The following LAMA2 variants were observed in gnomAD, a reference collection of about 807,000 sequenced individuals.
LAMA2 encodes laminin subunit alpha 2.
A neutral mutation model predicts 364.8 loss-of-function variants in LAMA2; 269 were observed. That is an observed-to-expected ratio of 0.74 (90% CI 0.67 to 0.82). The LOEUF (loss-of-function observed/expected upper bound fraction) is 0.82. Ranked by LOEUF, LAMA2 falls within the 40% of genes least tolerant of loss-of-function variation. LAMA2 has a pLI of 0.00. For synonymous variants in LAMA2, 1,379 were observed against 1,370.6 expected (o/e 1.01, Z -0.14); for missense variants, 3,807 against 3,873.2 (o/e 0.98, Z 0.45).
At chr6:129,129,083 T>G (rs1057259353) in intron 4 of LAMA2, among the ~76,000 whole-genome samples, 1 of 152,216 alleles carries the variant, frequency 6.6e-6, no homozygotes, top group Non-Finnish European at 1.5e-5. Context: ...TGTCCGTATC[T>G]TCCTCAATTT....
intron 30 of LAMA2, among the ~76,000 whole-genome samples, chr6:129,345,764 A>G (rs373253372): frequency 6.6e-6 from 1 of 152,164 alleles, no homozygotes; most frequent in African/African-American, 2.4e-5. Flanking sequence ...TAGAAAAAAA[A>G]TTTTAGCCAA....
intron 16 of LAMA2, among the ~76,000 whole-genome samples, chr6:129,268,939 A>G (rs2114350956): frequency 6.6e-6 from 1 of 152,218 alleles, no homozygotes; most frequent in South Asian, 2.1e-4. Context: ...CACAAAGAGG[A>G]GAATATTTGA....
chr6:129,282,455 T>A (rs1788786436), intron 18 of LAMA2, among the ~76,000 whole-genome samples: 1 of 152,100 alleles, frequency 6.6e-6, no homozygotes, highest in South Asian at 2.1e-4. Context: ...CATTTCAAGT[T>A]GTTTTCTTCT....
At chr6:128,981,155 A>G (rs576966148) in intron 1 of LAMA2, among the ~76,000 whole-genome samples, 4 of 152,198 alleles carry the variant, frequency 2.6e-5, no homozygotes, top group African/African-American at 9.6e-5. Context: ...TTCGGTCCCT[A>G]CATACTTCCT....
In LAMA2 at chr6:129,171,538, C is replaced by T. The variant is rs1408282575; in HGVS notation, c.1306+5863C>T. On this transcript the variant is annotated intron_variant, in intron 9 of 64. Coordinates refer to ENST00000421865, the MANE Select transcript of LAMA2 (RefSeq NM_000426.4). ...TCCGGCTTGTAGAGTTTCTGCCGAG[C>T]GATCTGCTGTTAGTCTGATGGGCTT... Among the ~76,000 whole-genome samples, 11 of 152,216 alleles carry T rather than the reference C, an allele frequency of 7.2e-5. No homozygotes were observed. The East Asian group carries it at 9.6e-4, about 13-fold the overall frequency.
At chr6:129,342,024 A>G (rs1189021736) in intron 29 of LAMA2, among the ~76,000 whole-genome samples, 1 of 152,262 alleles carries the variant, frequency 6.6e-6, no homozygotes, top group African/African-American at 2.4e-5. Flanking sequence ...TAAATTTTAG[A>G]GACTCGAAGT....
chr6:128,921,697 GTT>G (rs547882651), intron 1 of LAMA2, among the ~76,000 whole-genome samples: 19 of 118,042 alleles, frequency 1.6e-4, no homozygotes, highest in African/African-American at 6.0e-4. Context: ...ATGAATGTCT[GTT>G]TTTTTTTTTT....
At chr6:129,105,342 G>T (rs896502595) in intron 4 of LAMA2, among the ~76,000 whole-genome samples, 6 of 152,274 alleles carry the variant, frequency 3.9e-5, no homozygotes, top group Admixed American at 3.9e-4. Context: ...TAGCCCAGAT[G>T]CTATTGAGAA....
chr6:129,112,734 A>G (rs766341904), intron 4 of LAMA2, among the ~76,000 whole-genome samples: 48 of 151,242 alleles, frequency 3.2e-4, no homozygotes, highest in Non-Finnish European at 5.6e-4. Context: ...GAGAGAGAGA[A>G]AAAAAAAACT....
intron 1 of LAMA2, among the ~76,000 whole-genome samples, chr6:128,965,942 T>C (rs1307243796): frequency 9.3e-5 from 14 of 151,164 alleles, no homozygotes; most frequent in Admixed American, 9.2e-4. Context: ...TGTTGAAATA[T>C]AGCTTGCTCT....
At chr6:129,378,964 C>T (rs1778526091) in intron 34 of LAMA2, among the ~76,000 whole-genome samples, 1 of 152,070 alleles carries the variant, frequency 6.6e-6, no homozygotes, top group Admixed American at 6.6e-5. Context: ...CCTAAGTGCC[C>T]ATCAATAATA....
chr6:129,390,919 AG>A (rs1779281851), intron 35 of LAMA2, among the ~76,000 whole-genome samples: 1 of 152,164 alleles, frequency 6.6e-6, no homozygotes, highest in Non-Finnish European at 1.5e-5. Context: ...ATTGCTGGAA[AG>A]TGTCCTTGAA....
chr6:129,138,732 G>A (rs1340010960), intron 4 of LAMA2, among the ~76,000 whole-genome samples: 1 of 152,040 alleles, frequency 6.6e-6, no homozygotes, highest in Non-Finnish European at 1.5e-5. Context: ...TTATTTTTCA[G>A]TAATTATGCT....
At chr6:129,255,533 G>A (rs577520151) in intron 14 of LAMA2, among the ~76,000 whole-genome samples, 1 of 149,830 alleles carries the variant, frequency 6.7e-6, no homozygotes, top group South Asian at 2.1e-4. Flanking sequence ...TTTCTGTTAA[G>A]CCATTGAGAT....
chr6:129,362,461 C>A (rs1430160004), intron 32 of LAMA2, among the ~76,000 whole-genome samples: 2 of 152,162 alleles, frequency 1.3e-5, no homozygotes, highest in Non-Finnish European at 2.9e-5. Context: ...CCTCCCTGAT[C>A]TTCTCACTAT....
In LAMA2 at chr6:129,281,779, A is replaced by G. The variant is rs138167177; in HGVS notation, c.2537+1632A>G. Among the ~76,000 whole-genome samples, 314 of 152,324 alleles carry G rather than the reference A, an allele frequency of 2.1e-3. 1 individual carries two copies. The highest frequency in any genetic ancestry group is 3.5e-3 in the Non-Finnish European group (235 of 68,014). On this transcript the variant is annotated intron_variant, in intron 18 of 64. Transcript: ENST00000421865. The stretch of plus-strand genomic sequence containing the variant: ...GATGGCAACATGCATATGCAGTGTA[A>G]TGAATGGCATATTTTATCTCCAGCT...
chr6:129,117,962 G>A (rs1308780339), intron 4 of LAMA2, among the ~76,000 whole-genome samples: 1 of 152,088 alleles, frequency 6.6e-6, no homozygotes, highest in Non-Finnish European at 1.5e-5. Context: ...ATAATCATGT[G>A]GATACTACAG....
chr6:129,220,410 A>G (rs1324517453), intron 12 of LAMA2, among the ~76,000 whole-genome samples: 3 of 152,324 alleles, frequency 2.0e-5, no homozygotes, highest in Non-Finnish European at 4.4e-5. Flanking sequence ...TTGGTCAACA[A>G]GTGAGGAATT....
intron 51 of LAMA2, among the ~76,000 whole-genome samples, chr6:129,471,371 T>C (rs558099840): frequency 6.6e-6 from 1 of 151,932 alleles, no homozygotes; most frequent in Non-Finnish European, 1.5e-5. Flanking sequence ...CCAGTGAATT[T>C]CAATTCAATT....
Sources: allele counts gnomAD v4.1 joint callset (sites outside exome capture counted in the v4.1 genomes callset), GRCh38; gene constraint gnomAD v4.1.1; transcripts MANE v1.5; gene names NCBI Gene and HGNC (gene_info 2026-07-23, HGNC 2026-07-21).